The following TACC2 variants were observed in gnomAD, a reference collection of about 807,000 sequenced individuals.
The protein encoded by TACC2 is transforming acidic coiled-coil containing protein 2.
TACC2 carries 137 observed loss-of-function variants against 227.3 expected under a neutral mutation model. The ratio of observed to expected loss-of-function variants is 0.60; its 90% CI spans 0.52 to 0.69. The LOEUF is 0.69. Among genes scored for constraint, TACC2 ranks in the 30% least tolerant of loss-of-function variants. The probability of loss-of-function intolerance (pLI) is 0.00; values close to 1 mark genes in which losing one functional copy is unlikely to be tolerated. For synonymous variants in TACC2, 1,523 were observed against 1,487.5 expected (o/e 1.02, Z -0.55); for missense variants, 3,470 against 3,694.4 (o/e 0.94, Z 1.57).
chr10:122,026,582 T>C (rs965762525), intron 2 of TACC2, among the ~76,000 whole-genome samples: 1 of 152,176 alleles, frequency 6.6e-6, no homozygotes, highest in Non-Finnish European at 1.5e-5. Context: ...AATAGTATCA[T>C]GCAGGGTAGT....
At chr10:122,102,705 G>A (rs2082310421) in intron 5 of TACC2, among the ~76,000 whole-genome samples, 1 of 152,160 alleles carries the variant, frequency 6.6e-6, no homozygotes, top group South Asian at 2.1e-4. Context: ...TGTGAGACCA[G>A]CCGTCAGCAC....
chr10:122,185,115 C>T (rs2094137817), intron 7 of TACC2, among the ~76,000 whole-genome samples: 1 of 150,680 alleles, frequency 6.6e-6, no homozygotes, highest in Non-Finnish European at 1.5e-5. Context: ...ATCCTCCTGC[C>T]TCGGCCTCCC....
chr10:122,050,819 C>A lies in TACC2; in HGVS notation c.146+269C>A. 1 of 432,194 alleles carries A rather than the reference C, an allele frequency of 2.3e-6. No homozygotes were observed. Among genetic ancestry groups the A allele is most frequent in the Non-Finnish European group, 4.1e-6 (1 of 242,692 alleles). The allele number at this position is 432,194 out of a possible 1,614,324, so 26.8% of individuals were successfully genotyped here. A position where few individuals can be genotyped will look rare whatever the true frequency, so the allele number is the denominator to read the frequency against. On this transcript the variant is annotated intron_variant, in intron 3 of 22. Transcript: ENST00000369005. This position sits in a 1 kb window ranked among gnomAD's most constrained non-coding sequence, Gnocchi z 4.6. ...TTCCAGCCACACTCCAGAGTATCTT[C>A]ATTGTCAGAACTTAAAATGGAAAAC...
intron 7 of TACC2, among the ~76,000 whole-genome samples, chr10:122,154,945 G>A (rs2092363800): frequency 1.3e-5 from 2 of 152,110 alleles, no homozygotes; most frequent in South Asian, 4.1e-4. Flanking sequence ...GAGCCTCAGC[G>A]CCTGGTTTTT....
At position 122,141,527 on chromosome 10, in the gene TACC2, CT is replaced by C. The variant is rs1322839715; in HGVS notation, c.5700-2043del. 6.6e-6 allele frequency among the ~76,000 whole-genome samples: 1 copy of C among 152,020 alleles called. No homozygotes were observed. The highest frequency in any genetic ancestry group is 2.4e-5 in the African/African-American group (1 of 41,386). ...TGGGTGTTAAGGGCAGGCGGGGGAG[CT>C]TGGTGAGTGAGCCTTGGTTGTGCTG... On this transcript the variant is annotated intron_variant, in intron 6 of 22. Transcript: ENST00000369005. The surrounding 1 kb of genome is among the most constrained non-coding windows in gnomAD (Gnocchi z 4.3).
chr10:122,145,893 C>G (rs943684395), intron 7 of TACC2, among the ~76,000 whole-genome samples: 4 of 152,112 alleles, frequency 2.6e-5, no homozygotes, highest in African/African-American at 9.7e-5. Context: ...GCCCTGGAGC[C>G]CACTCTGTGT....
At chr10:122,018,784 T>C (rs1484510972) in intron 1 of TACC2, among the ~76,000 whole-genome samples, 1 of 152,184 alleles carries the variant, frequency 6.6e-6, no homozygotes, top group Non-Finnish European at 1.5e-5. Context: ...TATCCATTCG[T>C]CTGTTGAAAC....
intron 11 of TACC2, among the ~76,000 whole-genome samples, chr10:122,222,548 CCTT>C (rs1331322085): frequency 6.6e-6 from 1 of 152,158 alleles, no homozygotes; most frequent in Non-Finnish European, 1.5e-5. Context: ...GTCAGTTGCT[CCTT>C]CTGAAGGGAG....
intron 7 of TACC2, among the ~76,000 whole-genome samples, chr10:122,168,600 A>G (rs1038477317): frequency 3.0e-4 from 46 of 152,212 alleles, no homozygotes; most frequent in African/African-American, 1.1e-3. Context: ...GTAGCTACCA[A>G]TCATCCAAGG....
chr10:122,019,991 C>T (rs1957139104), intron 1 of TACC2: 2 of 152,172 alleles, frequency 1.3e-5, no homozygotes, highest in Admixed American at 6.5e-5. Flanking sequence ...GCCAGGCTTC[C>T]CTCGGCGGTT....
Position 122,087,472 on chromosome 10 carries a change from G to C in TACC2, c.4972G>C (p.Gly1658Arg). ...SEPWTLDTLGGERRPGVTAGI... is the reference protein window; with the variant it reads ...SEPWTLDTLGRERRPGVTAGI... ...GCCCTGGACCCTTGACACGCTTGGG[G>C]GTGAAAGGAGACCCGGAGTCACTGC... is the stretch of plus-strand genomic sequence containing the variant. The change falls in exon 4 of 23, where the codon GGT becomes CGT. Residue 1658 changes from glycine (G) to arginine (R), a missense_variant. By Grantham distance (125) the Gly-to-Arg change is moderately radical. Around this residue, in one of 10 missense-constraint regions of TACC2, gnomAD observed 1,924 missense variants for 1,978.3 expected, o/e 0.97. Transcript: ENST00000369005. 1 of 1,614,026 alleles carries C rather than the reference G, an allele frequency of 6.2e-7. No individual in the cohort carries two copies. Among genetic ancestry groups the C allele is most frequent in the Non-Finnish European group, 8.5e-7 (1 of 1,180,032 alleles).
chr10:122,248,727 A>T lies in TACC2; in HGVS notation c.8477A>T (p.Asn2826Ile), dbSNP rs2096184864. Residue 2826 changes from asparagine to isoleucine, a missense_variant, in exon 20 of 23, where the codon AAC (asparagine) becomes ATC (isoleucine). Physicochemically the swap from Asn to Ile is moderately radical, Grantham distance 149. Around this residue, in one of 10 missense-constraint regions of TACC2, gnomAD observed 65 missense variants for 119.3 expected, o/e 0.54. Coordinates refer to ENST00000369005, the MANE Select transcript of TACC2 (RefSeq NM_206862.4). Reference sequence around the variant, plus strand: ...AAGGAGCAAGCCCTGGCCGACCTGAACTCCGTGGAGAAGTCTCTGGCCGAC... The same window carrying T: ...AAGGAGCAAGCCCTGGCCGACCTGATCTCCGTGGAGAAGTCTCTGGCCGAC... ...LEKEQALADL[N>I]SVEKSLADLF... The T allele has an allele frequency of 6.2e-7, 1 of 1,614,034 alleles. No individual in the cohort carries two copies.
chr10:122,206,144 T>G (rs1379926985), intron 8 of TACC2, among the ~76,000 whole-genome samples: 1 of 152,138 alleles, frequency 6.6e-6, no homozygotes, highest in Non-Finnish European at 1.5e-5. Flanking sequence ...TGGCAGCAAG[T>G]GCTTCTGTGA....
At chr10:122,248,977 T>C in intron 20 of TACC2, 73 bp from the exon 21 acceptor site, 1 of 1,513,238 alleles carries the variant, frequency 6.6e-7, no homozygotes, top group Non-Finnish European at 9.1e-7. Flanking sequence ...ATCCGAGAGT[T>C]CCTGGGGTTC....
At chr10:122,109,058 T>C (rs1469074107) in intron 5 of TACC2, among the ~76,000 whole-genome samples, 3 of 152,224 alleles carry the variant, frequency 2.0e-5, no homozygotes, top group African/African-American at 4.8e-5. Flanking sequence ...CACTTGTTAA[T>C]TGATGGGCAT....
chr10:122,224,659 T>A, intron 11 of TACC2, 67 bp from the exon 12 acceptor site: 2 of 1,468,518 alleles, frequency 1.4e-6, no homozygotes, highest in Non-Finnish European at 1.9e-6. Context: ...GATCTTCCCA[T>A]TTTTTTCCTC....
In TACC2 at chr10:122,050,442, C is replaced by A; in HGVS notation, c.38C>A (p.Thr13Asn). ...TTTCTTTTTCTCCTGGCTCAGAGGA[C>A]TTTATCAGCTCAGACTCCAAGGTCC... is the stretch of plus-strand genomic sequence containing the variant. ...NENSTSDNQR[T>N]LSAQTPRSAQ... Residue 13 changes from threonine to asparagine, a missense_variant, in exon 3 of 23, where the codon ACT becomes AAT. Physicochemically the swap from Thr to Asn is moderately conservative, Grantham distance 65. This residue lies in a region of TACC2 where 405 missense variants were observed against 389.6 expected (regional missense o/e 1.04). Coordinates refer to ENST00000369005, the MANE Select transcript of TACC2 (RefSeq NM_206862.4). The surrounding 1 kb of genome is among the most constrained non-coding windows in gnomAD (Gnocchi z 4.6). 6.2e-7 allele frequency: 1 copy of A among 1,613,560 alleles called. No individual in the cohort carries two copies. The highest frequency in any genetic ancestry group is 1.1e-5 in the South Asian group (1 of 91,040).
At chr10:122,216,427 A>T (rs973924308) in intron 10 of TACC2, among the ~76,000 whole-genome samples, 200 bp from the exon 11 acceptor site, 1 of 151,230 alleles carries the variant, frequency 6.6e-6, no homozygotes, top group Non-Finnish European at 1.5e-5. Context: ...ACAAACCATC[A>T]TAAAAGGAGA....
At chr10:122,202,805 G>A (rs1351772565) in intron 8 of TACC2, among the ~76,000 whole-genome samples, 2 of 150,218 alleles carry the variant, frequency 1.3e-5, no homozygotes, top group African/African-American at 2.5e-5. Context: ...AGGACCCTGC[G>A]GCCTTCCGCA....
Sources: gnomAD v4.1 joint callset for allele counts (sites outside exome capture counted in the v4.1 genomes callset) on GRCh38, gnomAD v4.1.1 for gene constraint, gnomAD v4.1.1 regional missense constraint, Gnocchi (gnomAD v3.1) non-coding constraint, MANE v1.5 for transcripts, NCBI Gene and HGNC (gene_info 2026-07-23, HGNC 2026-07-21) for gene names.